SYT17: variants seen among roughly 807,000 people sequenced by gnomAD.
The protein encoded by SYT17 is synaptotagmin 17.
Under a neutral mutation model 46.7 loss-of-function variants are expected in SYT17, and 22 were observed. That is an observed-to-expected ratio of 0.47 (90% CI 0.34 to 0.67). SYT17 has a LOEUF of 0.67. SYT17 is among the 30% of genes least tolerant of loss of function. SYT17 has a pLI of 0.01. For synonymous variants in SYT17, 251 were observed against 248.4 expected (o/e 1.01, Z -0.10); for missense variants, 519 against 612.8 (o/e 0.85, Z 1.62).
chr16:19,262,631 C>T (rs1356470753), intron 7 of SYT17, among the ~76,000 whole-genome samples: 3 of 150,116 alleles, frequency 2.0e-5, no homozygotes, highest in Admixed American at 6.6e-5. Flanking sequence ...TGTGACAACA[C>T]ACTTAGGGTA....
At position 19,220,303 on chromosome 16, in the gene SYT17, C is replaced by CTTTCTTTTTTTTTT. The variant is rs776097400; in HGVS notation, c.952-2739_952-2738insCTTTTTTTTTTTTT. Among the ~76,000 whole-genome samples the CTTTCTTTTTTTTTT allele has an allele frequency of 1.7e-3, 134 of 80,494 alleles. 5 individuals are homozygous for CTTTCTTTTTTTTTT. The highest frequency in any genetic ancestry group is 6.4e-3 in the East Asian group (13 of 2,042). The allele number at this position is 80,494 out of a possible 152,430, so 52.8% of individuals were successfully genotyped here. On this transcript the variant is annotated intron_variant, in intron 5 of 7. Transcript: ENST00000355377. ...TTCAATGACATTTCTTTCTTTCTTTCTTTTTTTTTTTTTTTTTGAGATGAA... is the reference window on the plus strand; with the variant it reads ...TTCAATGACATTTCTTTCTTTCTTTCTTTCTTTTTTTTTTTTTTTTTTTTTTTTTTTGAGATGAA...
rs1966443859 is a variant in SYT17, at chr16:19,224,774, C to T, written c.1164C>T (p.Tyr388=). 1 of 1,613,996 alleles carries T rather than the reference C, an allele frequency of 6.2e-7. No individual in the cohort carries two copies. Among genetic ancestry groups the T allele is most frequent in the Non-Finnish European group, 8.5e-7 (1 of 1,179,988 alleles). ...TAAGGGGCACAATTGATCCTTTCTA[C>T]AATGAATCCTTCAGCTTCAAAGTTC... ...SFLRGTIDPF[Y]NESFSFKVPQ... The change falls in exon 7 of 8, where the codon TAC becomes TAT. Residue 388 remains tyrosine (Y), a synonymous_variant. Transcript: ENST00000355377.
rs547067243 is a variant in SYT17, at chr16:19,252,482, CAT to C, written c.1229-14388_1229-14387del. On this transcript the variant is annotated intron_variant, in intron 7 of 7. Coordinates refer to ENST00000355377, the MANE Select transcript of SYT17 (RefSeq NM_016524.4). The stretch of plus-strand genomic sequence containing the variant: ...ACATATATATATACATATATATATA[CAT>C]ATATATATACATATATATATACATA... Among the ~76,000 whole-genome samples the C allele has an allele frequency of 7.4e-3, 36 of 4,840 alleles. 13 individuals carry two copies. Among genetic ancestry groups the C allele is most frequent in the Admixed American group, 0.036 (9 of 248 alleles). The allele number at this position is 4,840 out of a possible 152,430, so 3.2% of individuals were successfully genotyped here. A position where few individuals can be genotyped will look rare whatever the true frequency, so the allele number is the denominator to read the frequency against.
intron 7 of SYT17, among the ~76,000 whole-genome samples, chr16:19,249,494 A>C (rs1252681655): frequency 6.6e-6 from 1 of 152,140 alleles, no homozygotes; most frequent in Non-Finnish European, 1.5e-5. Context: ...AAAATTCATC[A>C]AATTAGATAC....
chr16:19,231,212 A>G (rs1966669162), intron 7 of SYT17, among the ~76,000 whole-genome samples: 1 of 152,172 alleles, frequency 6.6e-6, no homozygotes, highest in Non-Finnish European at 1.5e-5. Context: ...TTGAGCCTCT[A>G]GCCTTCTCCC....
intron 7 of SYT17, among the ~76,000 whole-genome samples, chr16:19,232,476 A>C (rs1156656203): frequency 1.3e-5 from 2 of 152,134 alleles, no homozygotes; most frequent in African/African-American, 4.8e-5. Flanking sequence ...TTTGGGAAAC[A>C]AATAGACCCA....
At chr16:19,259,682 A>ATTTTTTT (rs67609928) in intron 7 of SYT17, among the ~76,000 whole-genome samples, 1 of 147,924 alleles carries the variant, frequency 6.8e-6, no homozygotes, top group Non-Finnish European at 1.5e-5. Context: ...GAATGTTTTG[A>ATTTTTTT]TTTTTTTTTT....
Position 19,180,588 on chromosome 16 carries a change from GAC to G in SYT17, c.331+52_331+53del, listed in dbSNP as rs777725316. On this transcript the variant is annotated intron_variant, in intron 4 of 7. Transcript: ENST00000355377. ...CTGGGGGCCCTGGCTGGCTTTCCCA[GAC>G]ACTCTCCCACGGAGAGTCATGAAGG... 3.3e-5 allele frequency: 53 copies of G among 1,609,300 alleles called. No individual in the cohort carries two copies. In the Admixed American group the frequency reaches 3.7e-4, roughly 11 times the overall value.
chr16:19,186,245 G>A (rs1964784818), intron 5 of SYT17, among the ~76,000 whole-genome samples: 1 of 152,136 alleles, frequency 6.6e-6, no homozygotes, highest in African/African-American at 2.4e-5. Context: ...GGGAGGTTGA[G>A]GTGGGAGGAT....
chr16:19,230,690 ATAGT>A (rs1285768120), intron 7 of SYT17, among the ~76,000 whole-genome samples: 1 of 152,192 alleles, frequency 6.6e-6, no homozygotes, highest in East Asian at 1.9e-4. Flanking sequence ...GTTAGGCGTA[ATAGT>A]TAGGAACCAG....
rs532918298 is a variant in SYT17, at chr16:19,204,210, C to T, written c.952-18835C>T. On this transcript the variant is annotated intron_variant, in intron 5 of 7. Coordinates refer to ENST00000355377, the MANE Select transcript of SYT17 (RefSeq NM_016524.4). ...CCCCACCCATTAGATGCTAGTAACTCCCTCTCCCCGACTTGTCACCACCCA... is the reference window on the plus strand; with the variant it reads ...CCCCACCCATTAGATGCTAGTAACTTCCTCTCCCCGACTTGTCACCACCCA... 3.9e-5 allele frequency among the ~76,000 whole-genome samples: 6 copies of T among 152,170 alleles called. No homozygotes were observed. The East Asian group carries it at 1.2e-3, about 30-fold the overall frequency.
rs1312908877 is a variant in SYT17, at chr16:19,180,394, G to A, written c.186G>A (p.Met62Ile). The A allele has an allele frequency of 2.5e-6, 4 of 1,614,026 alleles. No individual in the cohort carries two copies. The Middle Eastern group carries it at 4.9e-4, about 199-fold the overall frequency. Residue 62 changes from methionine to isoleucine, a missense_variant, in exon 4 of 8, where the codon ATG (methionine) becomes ATA (isoleucine). By Grantham distance (10) the Met-to-Ile change is conservative (BLOSUM62 1). Coordinates refer to ENST00000355377, the MANE Select transcript of SYT17 (RefSeq NM_016524.4). ...PFPAQTPPWL[M>I]ASRSSDKDGD... ...GAGACCTCTTCCCTTCCTATAGGAT[G>A]GCCAGCCGGAGCAGTGACAAGGATG...
intron 5 of SYT17, among the ~76,000 whole-genome samples, chr16:19,195,325 G>T (rs10852223): frequency 6.6e-6 from 1 of 151,934 alleles, no homozygotes; most frequent in South Asian, 2.1e-4. Flanking sequence ...CTCTCAGCCA[G>T]TCTCCTCCAT....
intron 5 of SYT17, chr16:19,211,325 G>C (rs11541512): frequency 7.8e-4 from 538 of 685,648 alleles, no homozygotes; most frequent in Non-Finnish European, 1.3e-3. Flanking sequence ...AACCCCTCTC[G>C]GCCCGTGGTG....
At chr16:19,215,015 C>T (rs989103753) in intron 5 of SYT17, among the ~76,000 whole-genome samples, 20 of 151,992 alleles carry the variant, frequency 1.3e-4, no homozygotes, top group Non-Finnish European at 2.5e-4. Flanking sequence ...CTCGAACTCC[C>T]GACCTCAAGT....
intron 3 of SYT17, among the ~76,000 whole-genome samples, chr16:19,178,268 G>C (rs1453157582): frequency 6.6e-6 from 1 of 151,172 alleles, no homozygotes; most frequent in Non-Finnish European, 1.5e-5. Context: ...ATTTTTTTTA[G>C]TAGAGATGGG....
In SYT17 at chr16:19,188,881, T is replaced by C. The variant is rs117998332; in HGVS notation, c.951+4734T>C. 9.0e-3 allele frequency among the ~76,000 whole-genome samples: 1,368 copies of C among 152,318 alleles called. 5 individuals are homozygous for C. The highest frequency in any genetic ancestry group is 0.017 in the Middle Eastern group (5 of 294). On this transcript the variant is annotated intron_variant, in intron 5 of 7. Transcript: ENST00000355377. ...TGGACATTTTTGCCCTGTGTGTGTC[T>C]GTGTCTCTTCTCTTCTTTTTTTTTG...
chr16:19,267,248 TGACTA>T lies in SYT17; in HGVS notation c.*173_*177del. 1.7e-6 allele frequency: 1 copy of T among 588,634 alleles called. No individual in the cohort carries two copies. The highest frequency in any genetic ancestry group is 2.8e-6 in the Non-Finnish European group (1 of 363,142). 36.5% of individuals were successfully genotyped at this position (588,634 alleles called of 1,614,324 possible). On this transcript the variant is annotated 3_prime_UTR_variant, in exon 8 of 8. Coordinates refer to ENST00000355377, the MANE Select transcript of SYT17 (RefSeq NM_016524.4). ...AATCCTCTCAGAACTGAGAGGAAGCTGACTATTGATCACAAAATGGCCGCCCTCAG... is the reference window on the plus strand; with the variant it reads ...AATCCTCTCAGAACTGAGAGGAAGCTTTGATCACAAAATGGCCGCCCTCAG...
chr16:19,261,862 T>C (rs1968998655), intron 7 of SYT17, among the ~76,000 whole-genome samples: 1 of 152,216 alleles, frequency 6.6e-6, no homozygotes, highest in Non-Finnish European at 1.5e-5. Context: ...GTGGTATTAT[T>C]ATCTCAGAAG....
Sources: gnomAD v4.1 joint callset for allele counts (sites outside exome capture counted in the v4.1 genomes callset) on GRCh38, gnomAD v4.1.1 for gene constraint, MANE v1.5 for transcripts, NCBI Gene and HGNC (gene_info 2026-07-23, HGNC 2026-07-21) for gene names.